The following CNTN4 variants were observed in gnomAD, a reference collection of about 807,000 sequenced individuals.
CNTN4 encodes the protein contactin-4.
Under a neutral mutation model 122.5 loss-of-function variants are expected in CNTN4, and 77 were observed. The observed-to-expected ratio is 0.63, with a 90% confidence interval of 0.52 to 0.76. The LOEUF is 0.76. Ranked by LOEUF, CNTN4 falls within the 30% of genes least tolerant of loss-of-function variation. The probability of loss-of-function intolerance (pLI) is 0.00; values close to 1 mark genes in which losing one functional copy is unlikely to be tolerated. For missense variants in CNTN4, 1,256 were observed against 1,259.1 expected, an observed-to-expected ratio of 1.00 and a Z score of 0.04; for synonymous variants, 512 against 447.0, an observed-to-expected ratio of 1.15 and a Z score of -1.83.
rs376597086 is a variant in CNTN4 at position 2,583,698 on chromosome 3, A to T, written c.55+12140A>T. On this transcript the variant is annotated intron_variant, in intron 4 of 24. Transcript: ENST00000418658. Reference sequence around the variant, plus strand: ...CTCAGAAAATATTTACGCATTCTTTATTTATTAATTTATGAATGAAATAAC... The same window carrying T: ...CTCAGAAAATATTTACGCATTCTTTTTTTATTAATTTATGAATGAAATAAC... Among the ~76,000 whole-genome samples, 4 of 152,272 alleles carry T rather than the reference A, an allele frequency of 2.6e-5. No individual in the cohort carries two copies. The East Asian group carries it at 7.7e-4, about 29-fold the overall frequency.
chr3:2,678,468 C>T (rs902141548), intron 4 of CNTN4, among the ~76,000 whole-genome samples: 5 of 152,062 alleles, frequency 3.3e-5, no homozygotes, highest in Non-Finnish European at 5.9e-5. Context: ...CTTATCTTCC[C>T]CTTTTAGTTA....
chr3:2,430,244 A>T (rs2048013348), intron 3 of CNTN4, among the ~76,000 whole-genome samples: 1 of 151,940 alleles, frequency 6.6e-6, no homozygotes, highest in South Asian at 2.1e-4. Context: ...TAACACGGTG[A>T]AACCCCATCA....
chr3:3,044,583 A>T (rs1430415467), intron 23 of CNTN4, among the ~76,000 whole-genome samples: 1 of 152,206 alleles, frequency 6.6e-6, no homozygotes, highest in Non-Finnish European at 1.5e-5. Flanking sequence ...CAAGAGGAAG[A>T]AAGCAGAAGC....
At chr3:2,925,074 A>G (rs2094460491) in intron 12 of CNTN4, among the ~76,000 whole-genome samples, 1 of 152,232 alleles carries the variant, frequency 6.6e-6, no homozygotes, top group African/African-American at 2.4e-5. Context: ...AGATGAGAAT[A>G]TTCTGTGTCT....
At chr3:2,878,765 G>A (rs2093874952) in intron 8 of CNTN4, among the ~76,000 whole-genome samples, 1 of 152,172 alleles carries the variant, frequency 6.6e-6, no homozygotes, top group South Asian at 2.1e-4. Context: ...GAAAAAGACA[G>A]ACGCATTATT....
chr3:2,787,103 G>A (rs886811264), intron 6 of CNTN4, among the ~76,000 whole-genome samples: 3 of 152,130 alleles, frequency 2.0e-5, no homozygotes, highest in East Asian at 3.9e-4. Flanking sequence ...TCGGCCAGGC[G>A]CGGTGGCTCA....
chr3:2,746,954 C>A (rs1439681208), intron 6 of CNTN4, among the ~76,000 whole-genome samples: 1 of 152,088 alleles, frequency 6.6e-6, no homozygotes, highest in Non-Finnish European at 1.5e-5. Context: ...AATGACAAAT[C>A]TTGCTAAATT....
intron 4 of CNTN4, among the ~76,000 whole-genome samples, chr3:2,622,073 T>G (rs2600306): frequency 2.0e-5 from 3 of 152,010 alleles, no homozygotes; most frequent in Non-Finnish European, 4.4e-5. Context: ...CATCTCTGTT[T>G]TAAATGTTGG....
At chr3:3,003,708 AAAAAAAC>A (rs1559776102) in intron 14 of CNTN4, among the ~76,000 whole-genome samples, 2 of 150,586 alleles carry the variant, frequency 1.3e-5, no homozygotes, top group African/African-American at 2.4e-5. Context: ...AAAAAAAAAA[AAAAAAAC>A]AAAAAAACCC....
At chr3:2,239,483 G>T (rs2149599528) in intron 2 of CNTN4, among the ~76,000 whole-genome samples, 1 of 152,258 alleles carries the variant, frequency 6.6e-6, no homozygotes, top group Non-Finnish European at 1.5e-5. Flanking sequence ...TCACATTATG[G>T]ATCAGCAGTG....
intron 3 of CNTN4, among the ~76,000 whole-genome samples, chr3:2,359,464 A>G (rs1456124392): frequency 6.6e-6 from 1 of 152,200 alleles, no homozygotes; most frequent in Non-Finnish European, 1.5e-5. Context: ...ATGATTTCAA[A>G]CAAATCATTT....
Position 2,385,527 on chromosome 3 carries a change from C to G in CNTN4, c.-89+46294C>G, listed in dbSNP as rs954349103. ...AATGACAGAAGTTTATTCTCTCACA[C>G]TTCTAGAGGCCAGAAGTCCAAAATC... On this transcript the variant is annotated intron_variant, in intron 3 of 24. Coordinates refer to ENST00000418658, the MANE Select transcript of CNTN4 (RefSeq NM_175607.3). This position sits in a 1 kb window ranked among gnomAD's most constrained non-coding sequence, Gnocchi z 4.0. Among the ~76,000 whole-genome samples, 2 of 152,048 alleles carry G rather than the reference C, an allele frequency of 1.3e-5. No individual in the cohort carries two copies. Among genetic ancestry groups the G allele is most frequent in the Non-Finnish European group, 2.9e-5 (2 of 68,022 alleles).
intron 12 of CNTN4, among the ~76,000 whole-genome samples, chr3:2,915,705 A>G (rs1383340581): frequency 2.0e-5 from 3 of 152,228 alleles, no homozygotes; most frequent in African/African-American, 7.2e-5. Context: ...TTTGGTATAT[A>G]TTCAAAATAA....
At position 2,740,025 on chromosome 3, in the gene CNTN4, A is replaced by C. The variant is rs190751203; in HGVS notation, c.182+3684A>C. Among the ~76,000 whole-genome samples, 1,088 of 151,948 alleles carry C rather than the reference A, an allele frequency of 7.2e-3. 7 individuals are homozygous for C. Among genetic ancestry groups the C allele is most frequent in the African/African-American group, 0.025 (1,024 of 41,288 alleles). On this transcript the variant is annotated intron_variant, in intron 5 of 24. Coordinates refer to ENST00000418658, the MANE Select transcript of CNTN4 (RefSeq NM_175607.3). ...GTCGTCTTGTACCTGCTGTTTTCCA[A>C]GTACCTTTTTTTTTCCCCCAAGTAC...
chr3:2,519,786 A>G (rs148417266), intron 3 of CNTN4, among the ~76,000 whole-genome samples: 282 of 152,326 alleles, frequency 1.9e-3, no homozygotes, highest in African/African-American at 6.4e-3. Context: ...AGCTAAACGC[A>G]TCTATCGAAT....
At chr3:2,974,063 A>G (rs1223281941) in intron 13 of CNTN4, among the ~76,000 whole-genome samples, 1 of 152,170 alleles carries the variant, frequency 6.6e-6, no homozygotes, top group African/African-American at 2.4e-5. Context: ...GGGGAAACTC[A>G]TGGTTGGTCC....
intron 3 of CNTN4, among the ~76,000 whole-genome samples, chr3:2,405,952 G>A (rs539535544): frequency 9.9e-5 from 15 of 152,016 alleles, no homozygotes; most frequent in Admixed American, 3.3e-4. Context: ...GCTAGAGTCC[G>A]GGAGGTCAAG....
At chr3:2,878,071 T>C (rs2150942449) in intron 8 of CNTN4, among the ~76,000 whole-genome samples, 1 of 152,316 alleles carries the variant, frequency 6.6e-6, no homozygotes, top group African/African-American at 2.4e-5. Flanking sequence ...TGAAAAATTT[T>C]TAAACAGCAG....
At chr3:2,797,713 A>C (rs1258406286) in intron 6 of CNTN4, among the ~76,000 whole-genome samples, 1 of 152,184 alleles carries the variant, frequency 6.6e-6, no homozygotes, top group Non-Finnish European at 1.5e-5. Context: ...AATCTCCAAG[A>C]GTTCAATATA....
Sources: gnomAD v4.1 joint callset for allele counts (sites outside exome capture counted in the v4.1 genomes callset) on GRCh38, gnomAD v4.1.1 for gene constraint, Gnocchi (gnomAD v3.1) non-coding constraint, MANE v1.5 for transcripts, NCBI Gene and HGNC (gene_info 2026-07-23, HGNC 2026-07-21) for gene names.